ANOS1: variants seen among roughly 807,000 people sequenced by gnomAD.
ANOS1 encodes anosmin-1.
ANOS1 carries 6 observed loss-of-function variants against 59.0 expected under a neutral mutation model. That is an observed-to-expected ratio of 0.10 (90% CI 0.06 to 0.20). The LOEUF (loss-of-function observed/expected upper bound fraction) is 0.20, where lower values mean the gene tolerates loss of function less well. ANOS1 is among the 10% of genes least tolerant of loss of function. The pLI, the probability that ANOS1 is intolerant of heterozygous loss-of-function variation, is 1.00. For missense variants in ANOS1, 433 were observed against 542.3 expected (o/e 0.80, Z 2.00); for synonymous variants, 217 against 223.4 (o/e 0.97, Z 0.25).
At chrX:8,668,357 T>C (rs58873452) in intron 2 of ANOS1, among the ~76,000 whole-genome samples, 41,577 of 94,586 alleles carry the variant, frequency 0.44, 7,325 homozygotes, top group East Asian at 0.61. Flanking sequence ...GCAAATGCCA[T>C]TAATTCATTC....
At chrX:8,582,942 G>A (rs1166223019) in intron 6 of ANOS1, among the ~76,000 whole-genome samples, 1 of 111,725 alleles carries the variant, frequency 9.0e-6, no homozygotes, top group Non-Finnish European at 1.9e-5. Flanking sequence ...TTAGAGTGGA[G>A]AATGACTGCA....
intron 4 of ANOS1, 47 bp from the exon 5 acceptor site, chrX:8,588,025 T>G: frequency 9.3e-7 from 1 of 1,074,975 alleles, no homozygotes; most frequent in Non-Finnish European, 1.3e-6. Context: ...GTGACTCAAA[T>G]TGAAGTAAAA....
chrX:8,540,794 C>T (rs1304898275), intron 9 of ANOS1, among the ~76,000 whole-genome samples: 5 of 109,343 alleles, frequency 4.6e-5, no homozygotes, highest in Non-Finnish European at 9.5e-5. Flanking sequence ...ACTTTAAATC[C>T]GAGAAAGCAA....
chrX:8,677,989 A>C (rs975014431), intron 2 of ANOS1, among the ~76,000 whole-genome samples: 1 of 111,389 alleles, frequency 9.0e-6, no homozygotes, highest in Non-Finnish European at 1.9e-5. Flanking sequence ...TAACCACCCC[A>C]AGCTGTTCCT....
At chrX:8,607,336 C>G (rs183931855) in intron 3 of ANOS1, among the ~76,000 whole-genome samples, 2 of 111,803 alleles carry the variant, frequency 1.8e-5, no homozygotes, top group East Asian at 5.6e-4. Flanking sequence ...GATTCCCAGG[C>G]AAATTATAGA....
Position 8,732,094 on chromosome X carries a change from C to G in ANOS1, c.-58G>C. ...GGGCGCGGGCCGAGGCTCCCTGCTC[C>G]GCGCCGGGGCTGCACTGCTGAGGAC... On this transcript the variant is annotated 5_prime_UTR_variant, in exon 1 of 14. Transcript: ENST00000262648. The G allele has an allele frequency of 1.2e-6, 1 of 838,510 alleles. No homozygotes were observed. The highest frequency in any genetic ancestry group is 2.1e-5 in the African/African-American group (1 of 46,753). 69.1% of individuals were successfully genotyped at this position (838,510 alleles called of 1,213,427 possible).
At chrX:8,601,444 A>AGGCTATGT (rs1407228548) in intron 3 of ANOS1, among the ~76,000 whole-genome samples, 1 of 111,572 alleles carries the variant, frequency 9.0e-6, no homozygotes. Context: ...AGGAAAACAG[A>AGGCTATGT]GGCTATGTCT....
intron 2 of ANOS1, among the ~76,000 whole-genome samples, chrX:8,628,141 T>C (rs1931427072): frequency 9.0e-6 from 1 of 111,578 alleles, no homozygotes; most frequent in Admixed American, 9.5e-5. Flanking sequence ...GTGCTCATTA[T>C]GCACTAATTA....
chrX:8,600,018 A>T (rs1242757455), intron 3 of ANOS1, among the ~76,000 whole-genome samples: 1 of 112,199 alleles, frequency 8.9e-6, no homozygotes, highest in East Asian at 2.8e-4. Flanking sequence ...TCAAAACATA[A>T]CTTCAGCAAG....
At chrX:8,672,584 A>T (rs1248508560) in intron 2 of ANOS1, among the ~76,000 whole-genome samples, 2 of 112,147 alleles carry the variant, frequency 1.8e-5, no homozygotes, top group African/African-American at 3.2e-5. Flanking sequence ...ACTGCATTTG[A>T]GAGAGCCCCT....
intron 1 of ANOS1, 59 bp downstream of exon 1, chrX:8,731,771 G>C: frequency 8.7e-7 from 1 of 1,150,136 alleles, no homozygotes; most frequent in South Asian, 1.9e-5. Context: ...CGCGCGCCCC[G>C]GTGCGCCCAC....
chrX:8,654,268 A>T (rs1021604464), intron 2 of ANOS1, among the ~76,000 whole-genome samples: 1 of 112,063 alleles, frequency 8.9e-6, no homozygotes, highest in African/African-American at 3.2e-5. Context: ...TGTGTAACCA[A>T]AAAGCAACCA....
intron 2 of ANOS1, among the ~76,000 whole-genome samples, chrX:8,626,499 A>G (rs1931396069): frequency 8.9e-6 from 1 of 111,868 alleles, no homozygotes; most frequent in African/African-American, 3.2e-5. Context: ...GTTCAAAAAC[A>G]AATTTTTCAT....
chrX:8,614,701 T>TA (rs1184578784), intron 3 of ANOS1, among the ~76,000 whole-genome samples: 1 of 110,306 alleles, frequency 9.1e-6, no homozygotes, highest in African/African-American at 3.3e-5. Context: ...ATTTTCATGA[T>TA]ACTCCCCTAA....
chrX:8,637,083 A>G (rs1032112825), intron 2 of ANOS1, among the ~76,000 whole-genome samples: 2 of 112,321 alleles, frequency 1.8e-5, no homozygotes, highest in Non-Finnish European at 3.8e-5. Context: ...TCTTGTGGCC[A>G]ATGGAATTCC....
chrX:8,578,875 T>C (rs1005282312), intron 6 of ANOS1, among the ~76,000 whole-genome samples: 40 of 112,142 alleles, frequency 3.6e-4, no homozygotes, highest in Non-Finnish European at 5.3e-4. Flanking sequence ...GGATTTTGCC[T>C]TATACAATCC....
intron 8 of ANOS1, among the ~76,000 whole-genome samples, 154 bp downstream of exon 8, chrX:8,568,078 G>T (rs768528020): frequency 3.6e-5 from 4 of 111,991 alleles, no homozygotes; most frequent in Non-Finnish European, 7.5e-5. Context: ...TTCGTATGTC[G>T]TAGTTTAAAT....
chrX:8,561,595 G>A (rs1039381336), intron 8 of ANOS1, among the ~76,000 whole-genome samples: 18 of 107,690 alleles, frequency 1.7e-4, no homozygotes, highest in Non-Finnish European at 3.3e-4. Flanking sequence ...GATTACAGGC[G>A]TGAGCCACCG....
At chrX:8,533,526 TA>T (rs909640359) in intron 13 of ANOS1, among the ~76,000 whole-genome samples, 3 of 112,206 alleles carry the variant, frequency 2.7e-5, no homozygotes, top group African/African-American at 9.7e-5. Context: ...ATCTATCATT[TA>T]AAAAAATCAG....
Sources: allele counts gnomAD v4.1 joint callset (sites outside exome capture counted in the v4.1 genomes callset), GRCh38; gene constraint gnomAD v4.1.1; transcripts MANE v1.5; gene names NCBI Gene and HGNC (gene_info 2026-07-23, HGNC 2026-07-21).